CCDC18: variants seen among roughly 807,000 people sequenced by gnomAD.
The protein encoded by CCDC18 is coiled-coil domain containing 18, also known as coiled-coil domain-containing protein 18.
Under a neutral mutation model 196.0 loss-of-function variants are expected in CCDC18, and 157 were observed. That is an observed-to-expected ratio of 0.80 (90% CI 0.70 to 0.91). The LOEUF (loss-of-function observed/expected upper bound fraction) is 0.91. Among genes scored for constraint, CCDC18 ranks in the 40% least tolerant of loss-of-function variants. The pLI is 0.00. For synonymous variants in CCDC18, 482 were observed against 529.2 expected (o/e 0.91, Z 1.22); for missense variants, 1,465 against 1,611.6 (o/e 0.91, Z 1.56).
chr1:93,211,973 T>C, intron 10 of CCDC18, 128 bp from the exon 11 acceptor site: 2 of 779,716 alleles, frequency 2.6e-6, no homozygotes, highest in East Asian at 5.7e-5. Context: ...TTTCATATCC[T>C]GCCTAAAGAG....
intron 28 of CCDC18, among the ~76,000 whole-genome samples, chr1:93,273,284 G>T: frequency 6.6e-6 from 1 of 152,150 alleles, no homozygotes; most frequent in Non-Finnish European, 1.5e-5. Flanking sequence ...TAGCCAGGAT[G>T]GTCTCGATCT....
At chr1:93,272,032 G>C (rs1665313514) in intron 28 of CCDC18, among the ~76,000 whole-genome samples, 2 of 152,140 alleles carry the variant, frequency 1.3e-5, no homozygotes, top group Admixed American at 1.3e-4. Context: ...TTTAGATAAT[G>C]TCAGCTTTTT....
intron 1 of CCDC18, among the ~76,000 whole-genome samples, chr1:93,182,525 A>T (rs1649903391): frequency 6.6e-6 from 1 of 152,238 alleles, no homozygotes. Flanking sequence ...AAGATTGCGC[A>T]GAAAGCTCTG....
chr1:93,184,237 T>A (rs889807495), intron 3 of CCDC18, 91 bp downstream of exon 3: 2 of 528,120 alleles, frequency 3.8e-6, no homozygotes, highest in Non-Finnish European at 5.6e-6. Context: ...AAAATTAAAT[T>A]AAAGAAAAAA....
At chr1:93,269,422 T>A (rs1057355805) in intron 27 of CCDC18, among the ~76,000 whole-genome samples, 27 of 151,138 alleles carry the variant, frequency 1.8e-4, no homozygotes, top group Non-Finnish European at 3.1e-4. Flanking sequence ...ACTTAAAGTA[T>A]TTTTAAAAAA....
intron 25 of CCDC18, among the ~76,000 whole-genome samples, chr1:93,256,953 C>G (rs1663038759): frequency 6.6e-6 from 1 of 152,044 alleles, no homozygotes; most frequent in Non-Finnish European, 1.5e-5. Context: ...ATTGGCTTGG[C>G]ACGGTGGCTC....
At chr1:93,264,542 C>T (rs1688244599) in intron 26 of CCDC18, 159 bp from the exon 27 acceptor site, 3 of 507,946 alleles carry the variant, frequency 5.9e-6, no homozygotes, top group African/African-American at 1.9e-5. Flanking sequence ...TCCCTTTTTC[C>T]TCTAGTATTC....
In CCDC18 at chr1:93,180,768, T is replaced by C. The variant is rs1191551597; in HGVS notation, c.-87T>C. On this transcript the variant is annotated 5_prime_UTR_variant, in exon 1 of 29. Coordinates refer to ENST00000690025, the MANE Select transcript of CCDC18 (RefSeq NM_001378204.1). ...CGGGGTTCGCTGGTTCTCCGAGTTG[T>C]GTCCGAGGCTTCCACGCGCAGGGGC... is the stretch of plus-strand genomic sequence containing the variant. The C allele has an allele frequency of 7.3e-7, 1 of 1,367,600 alleles. No individual in the cohort carries two copies. Among genetic ancestry groups the C allele is most frequent in the South Asian group, 1.1e-5 (1 of 88,042 alleles). 84.7% of individuals were successfully genotyped at this position (1,367,600 alleles called of 1,614,324 possible).
chr1:93,270,155 T>C (rs1665097486), intron 27 of CCDC18, among the ~76,000 whole-genome samples, 192 bp from the exon 28 acceptor site: 1 of 152,170 alleles, frequency 6.6e-6, no homozygotes, highest in East Asian at 1.9e-4. Context: ...CAAAGGAATA[T>C]GTGTAATTTT....
intron 21 of CCDC18, 105 bp from the exon 22 acceptor site, chr1:93,246,000 T>C (rs1661448960): frequency 4.9e-6 from 3 of 610,526 alleles, no homozygotes; most frequent in Non-Finnish European, 8.4e-6. Context: ...ATTGCATATA[T>C]TATTTTGCTT....
chr1:93,217,233 C>T (rs778151075), intron 13 of CCDC18, among the ~76,000 whole-genome samples: 32 of 152,056 alleles, frequency 2.1e-4, no homozygotes, highest in Non-Finnish European at 3.7e-4. Flanking sequence ...CGCACCCGGC[C>T]GTTTTCTCAT....
rs1236478119 is a variant in CCDC18, at chr1:93,270,465, C to G, written c.4004C>G (p.Pro1335Arg). ...PTEIMPDVQD[P>R]KFAKCFHTSF... ...GAAATTATGCCTGATGTTCAAGATCCAAAATTTGCTAAATGTTTTCACACA... is the reference window on the plus strand; with the variant it reads ...GAAATTATGCCTGATGTTCAAGATCGAAAATTTGCTAAATGTTTTCACACA... Residue 1335 changes from proline (P) to arginine (R), a missense_variant, in exon 28 of 29, where the codon CCA (proline) becomes CGA (arginine). By Grantham distance (103) the Pro-to-Arg change is moderately radical (BLOSUM62 -2). Transcript: ENST00000690025. 13 of 1,550,270 alleles carry G rather than the reference C, an allele frequency of 8.4e-6. No homozygotes were observed. The highest frequency in any genetic ancestry group is 8.3e-5 in the South Asian group (7 of 84,060).
chr1:93,207,488 CT>C, intron 9 of CCDC18, 90 bp downstream of exon 9: 1 of 933,812 alleles, frequency 1.1e-6, no homozygotes, highest in African/African-American at 1.7e-5. Flanking sequence ...TTATTAGCTT[CT>C]AATTTCTTTT....
intron 28 of CCDC18, among the ~76,000 whole-genome samples, chr1:93,273,259 G>A (rs1301391938): frequency 3.3e-5 from 5 of 152,044 alleles, no homozygotes; most frequent in South Asian, 2.1e-4. Context: ...TAGTAGAGAC[G>A]GGGTTTCACT....
At chr1:93,183,291 A>T in intron 1 of CCDC18, 69 bp from the exon 2 acceptor site, 2 of 1,099,196 alleles carry the variant, frequency 1.8e-6, no homozygotes, top group Non-Finnish European at 2.5e-6. Flanking sequence ...AATTCTATTC[A>T]TGTGAGTATT....
intron 23 of CCDC18, among the ~76,000 whole-genome samples, chr1:93,248,842 A>C (rs1661844954): frequency 6.6e-6 from 1 of 151,726 alleles, no homozygotes; most frequent in Non-Finnish European, 1.5e-5. Context: ...GTGTAGTGGC[A>C]TGTGCCTGTA....
At chr1:93,198,689 C>A (rs747998347) in intron 6 of CCDC18, among the ~76,000 whole-genome samples, 1 of 151,786 alleles carries the variant, frequency 6.6e-6, no homozygotes, top group African/African-American at 2.4e-5. Context: ...GCTTTGTTAC[C>A]CAGGCTGGAG....
rs1650676041 is a variant in CCDC18 at position 93,186,377 on chromosome 1, G to A, written c.336G>A (p.Glu112=). The A allele has an allele frequency of 2.5e-6, 4 of 1,612,164 alleles. No homozygotes were observed. The highest frequency in any genetic ancestry group is 3.4e-6 in the Non-Finnish European group (4 of 1,178,890). The stretch of plus-strand genomic sequence containing the variant: ...CATCTTCTGCCCCTGTGGATCAGGA[G>A]ATTAAAAGCCTTCGAGAGAAACTAA... The part of the protein sequence containing the change: ...MFSSSAPVDQ[E]IKSLREKLNK... Residue 112 remains glutamate (E), a synonymous_variant, in exon 4 of 29, where the codon GAG becomes GAA. Transcript: ENST00000690025.
At chr1:93,276,543 G>A (rs1001531116) in intron 28 of CCDC18, among the ~76,000 whole-genome samples, 4 of 152,018 alleles carry the variant, frequency 2.6e-5, no homozygotes, top group Non-Finnish European at 5.9e-5. Context: ...CATATATCAT[G>A]CAGTAAGATG....
Sources: gnomAD v4.1 joint callset for allele counts (sites outside exome capture counted in the v4.1 genomes callset) on GRCh38, gnomAD v4.1.1 for gene constraint, MANE v1.5 for transcripts, NCBI Gene and HGNC (gene_info 2026-07-23, HGNC 2026-07-21) for gene names.